CTNND2: variants seen among roughly 807,000 people sequenced by gnomAD.
CTNND2 encodes the protein catenin delta-2.
CTNND2 carries 22 observed loss-of-function variants against 144.4 expected under a neutral mutation model. That is an observed-to-expected ratio of 0.15 (90% CI 0.11 to 0.22). CTNND2 has a LOEUF of 0.22. Among genes scored for constraint, CTNND2 ranks in the 10% least tolerant of loss-of-function variants. The pLI, the probability that CTNND2 is intolerant of heterozygous loss-of-function variation, is 1.00. For synonymous variants in CTNND2, 751 were observed against 695.6 expected (o/e 1.08, Z -1.25); for missense variants, 1,353 against 1,618.8 (o/e 0.84, Z 2.82).
intron 12 of CTNND2, among the ~76,000 whole-genome samples, chr5:11,129,528 C>G (rs1755351470): frequency 6.6e-6 from 1 of 150,596 alleles, no homozygotes; most frequent in South Asian, 2.1e-4. Flanking sequence ...TCAATATATT[C>G]TGCCCTATCT....
intron 3 of CTNND2, among the ~76,000 whole-genome samples, chr5:11,417,041 A>G (rs989796590): frequency 2.6e-5 from 4 of 152,336 alleles, no homozygotes; most frequent in South Asian, 4.1e-4. Context: ...GAAACAATAT[A>G]TTGAAAGCAA....
At chr5:11,411,270 A>G (rs993875274) in intron 5 of CTNND2, among the ~76,000 whole-genome samples, 3 of 152,200 alleles carry the variant, frequency 2.0e-5, no homozygotes, top group African/African-American at 7.2e-5. Context: ...AGGATATCAG[A>G]GAACAGTGAG....
intron 2 of CTNND2, among the ~76,000 whole-genome samples, chr5:11,640,448 C>A (rs967707878): frequency 2.6e-5 from 4 of 152,160 alleles, no homozygotes; most frequent in Non-Finnish European, 4.4e-5. Flanking sequence ...GGGTACAAAT[C>A]CTTGGCATGT....
chr5:11,417,889 A>G (rs1361886181), intron 3 of CTNND2, among the ~76,000 whole-genome samples: 1 of 152,238 alleles, frequency 6.6e-6, no homozygotes, highest in Non-Finnish European at 1.5e-5. Flanking sequence ...CAATGGAAAC[A>G]GCCTATGTGT....
intron 2 of CTNND2, among the ~76,000 whole-genome samples, chr5:11,729,225 T>C (rs116509336): frequency 0.018 from 2,765 of 150,750 alleles, 88 homozygotes; most frequent in African/African-American, 0.064. Context: ...TGCCCCAAAA[T>C]GAATAATACA....
chr5:11,486,760 T>C (rs1434683499), intron 3 of CTNND2, among the ~76,000 whole-genome samples: 2 of 152,214 alleles, frequency 1.3e-5, no homozygotes, highest in African/African-American at 4.8e-5. Context: ...ATTATTACAA[T>C]GTGAAGCTAT....
intron 14 of CTNND2, among the ~76,000 whole-genome samples, chr5:11,110,654 C>A (rs61754600): frequency 6.6e-6 from 1 of 152,108 alleles, no homozygotes; most frequent in Non-Finnish European, 1.5e-5. Flanking sequence ...AATTTCCTAT[C>A]CTGGCTCAAC....
intron 3 of CTNND2, among the ~76,000 whole-genome samples, chr5:11,491,828 C>T (rs1253246111): frequency 1.3e-5 from 2 of 152,166 alleles, no homozygotes; most frequent in African/African-American, 4.8e-5. Flanking sequence ...TTTTAAATAA[C>T]ATATCTGAGA....
At chr5:11,574,622 C>G (rs942747674) in intron 2 of CTNND2, among the ~76,000 whole-genome samples, 8 of 152,142 alleles carry the variant, frequency 5.3e-5, no homozygotes, top group Admixed American at 6.6e-5. Context: ...TGTCCAACCA[C>G]AGAAAGAATT....
chr5:11,155,915 A>T (rs1024224111), intron 12 of CTNND2, among the ~76,000 whole-genome samples: 1 of 152,320 alleles, frequency 6.6e-6, no homozygotes, highest in South Asian at 2.1e-4. Flanking sequence ...ATAGCTTCCC[A>T]TGAAGATTCT....
chr5:11,351,904 G>C (rs1755372236), intron 8 of CTNND2, among the ~76,000 whole-genome samples: 3 of 152,024 alleles, frequency 2.0e-5, no homozygotes, highest in Admixed American at 2.0e-4. Flanking sequence ...GGTGACAATG[G>C]GTCCAAGAAA....
intron 1 of CTNND2, among the ~76,000 whole-genome samples, chr5:11,794,966 T>C (rs1467068291): frequency 6.6e-6 from 1 of 152,246 alleles, no homozygotes; most frequent in African/African-American, 2.4e-5. Flanking sequence ...CAAACACTAC[T>C]ATATTTGTAT....
intron 11 of CTNND2, among the ~76,000 whole-genome samples, chr5:11,163,763 A>G (rs76134563): frequency 0.02 from 3,082 of 152,282 alleles, 92 homozygotes; most frequent in African/African-American, 0.07. Context: ...ATCCAGCTAC[A>G]CTTTGTAACT....
intron 1 of CTNND2, among the ~76,000 whole-genome samples, chr5:11,841,899 C>T (rs1298744405): frequency 6.6e-6 from 1 of 151,462 alleles, no homozygotes; most frequent in Non-Finnish European, 1.5e-5. Context: ...ATCAATCAAT[C>T]GCACTCCCTT....
At chr5:11,259,589 T>C (rs975897562) in intron 9 of CTNND2, among the ~76,000 whole-genome samples, 2 of 152,192 alleles carry the variant, frequency 1.3e-5, no homozygotes, top group Non-Finnish European at 1.5e-5. Context: ...CACTGTTCTT[T>C]TAGACACTAC....
intron 2 of CTNND2, chr5:11,588,976 G>T: frequency 1.0e-6 from 1 of 985,320 alleles, no homozygotes. Context: ...AAGTCAGGAC[G>T]CTGAATTATC....
chr5:11,399,982 C>G (rs60585924), intron 5 of CTNND2, among the ~76,000 whole-genome samples: 1 of 152,166 alleles, frequency 6.6e-6, no homozygotes, highest in Non-Finnish European at 1.5e-5. Context: ...CAATTCTTAA[C>G]TACTTTATAA....
intron 2 of CTNND2, among the ~76,000 whole-genome samples, chr5:11,638,527 T>G (rs572307511): frequency 6.6e-6 from 1 of 152,278 alleles, no homozygotes; most frequent in Admixed American, 6.5e-5. Flanking sequence ...AAAATATGTT[T>G]CCCGCACAAA....
intron 1 of CTNND2, among the ~76,000 whole-genome samples, chr5:11,780,705 T>C (rs1233509729): frequency 2.0e-5 from 3 of 152,050 alleles, no homozygotes. Flanking sequence ...AGGAGGGAGA[T>C]GCAAAGGGTA....
Sources: allele counts gnomAD v4.1 joint callset (sites outside exome capture counted in the v4.1 genomes callset), GRCh38; gene constraint gnomAD v4.1.1; transcripts MANE v1.5; gene names NCBI Gene and HGNC (gene_info 2026-07-23, HGNC 2026-07-21).